Variants in NOX1 observed in about 807,000 individuals in gnomAD.
The protein encoded by NOX1 is NADH/NADPH mitogenic oxidase subunit P65-MOX.
Under a neutral mutation model 42.5 loss-of-function variants are expected in NOX1, and 34 were observed. The ratio of observed to expected loss-of-function variants is 0.80; its 90% CI spans 0.61 to 1.07. The LOEUF (loss-of-function observed/expected upper bound fraction) is 1.07, where lower values mean the gene tolerates loss of function less well. NOX1 is among the 50% of genes least tolerant of loss of function. The pLI is 0.00. For synonymous variants in NOX1, 143 were observed against 152.5 expected (o/e 0.94, Z 0.46); for missense variants, 408 against 427.0 (o/e 0.96, Z 0.39).
chrX:100,865,042 A>G (rs1022132121), intron 2 of NOX1, among the ~76,000 whole-genome samples: 1 of 112,645 alleles, frequency 8.9e-6, no homozygotes, highest in Non-Finnish European at 1.9e-5. Flanking sequence ...AAGCCAGGAC[A>G]AGATCTGCCT....
rs1055177824 is a variant in NOX1, at chrX:100,856,140, C to T, written c.805-4815G>A. ...GTTCTCTTTGGTTCCACAACTTTTCCATCCACCTTGTGTGGCCTTGCGTTC... is the reference window on the plus strand; with the variant it reads ...GTTCTCTTTGGTTCCACAACTTTTCTATCCACCTTGTGTGGCCTTGCGTTC... On this transcript the variant is annotated intron_variant, in intron 7 of 12. Transcript: ENST00000372966. 5 of 945,136 alleles carry T rather than the reference C, an allele frequency of 5.3e-6. No individual in the cohort carries two copies. The African/African-American group carries it at 9.6e-5, about 18-fold the overall frequency. 77.9% of individuals were successfully genotyped at this position (945,136 alleles called of 1,213,427 possible).
chrX:100,862,461 A>G lies in NOX1; in HGVS notation c.602T>C (p.Phe201Ser). ...SATEFIRRSY[F>S]EVFWYTHHLF... is the part of the protein sequence containing the mutation. ...GTGGTGAGTATACCAGAAGACTTCA[A>G]AATAACTCCTCCGGATGAACTCAGT... is the stretch of plus-strand genomic sequence containing the variant. Residue 201 changes from phenylalanine to serine, a missense_variant, in exon 6 of 13, where the codon TTT becomes TCT. Coordinates refer to ENST00000372966, the MANE Select transcript of NOX1 (RefSeq NM_007052.5). The G allele has an allele frequency of 8.3e-7, 1 of 1,210,349 alleles. No homozygotes were observed. The highest frequency in any genetic ancestry group is 1.1e-6 in the Non-Finnish European group (1 of 894,120).
At position 100,843,776 on chromosome X, in the gene NOX1, T is replaced by C. The variant is rs2085052555; in HGVS notation, c.*176A>G. The C allele has an allele frequency of 2.3e-6, 1 of 433,864 alleles. No homozygotes were observed. The allele number at this position is 433,864 out of a possible 1,213,427, so 35.8% of individuals were successfully genotyped here. A position where few individuals can be genotyped will look rare whatever the true frequency, so the allele number is the denominator to read the frequency against. On this transcript the variant is annotated 3_prime_UTR_variant, in exon 13 of 13. Transcript: ENST00000372966. ...GAACTTTAAGAACTTCAGAAGTTCTTAAGTTGCTGAAGCTCAAGTAACGAA... is the reference window on the plus strand; with the variant it reads ...GAACTTTAAGAACTTCAGAAGTTCTCAAGTTGCTGAAGCTCAAGTAACGAA...
chrX:100,845,974 G>C (rs2085070475), intron 12 of NOX1, among the ~76,000 whole-genome samples: 1 of 110,337 alleles, frequency 9.1e-6, no homozygotes, highest in East Asian at 2.8e-4. Context: ...GTTTAGTAAA[G>C]ACAGGGTTTC....
intron 7 of NOX1, chrX:100,856,177 C>T: frequency 1.1e-6 from 1 of 939,166 alleles, no homozygotes; most frequent in Non-Finnish European, 1.5e-6. Flanking sequence ...TGGCTGCATC[C>T]ACCTCCTCCA....
chrX:100,848,201 A>G (rs2085086868), intron 12 of NOX1, among the ~76,000 whole-genome samples: 1 of 111,904 alleles, frequency 8.9e-6, no homozygotes, highest in Non-Finnish European at 1.9e-5. Flanking sequence ...GAATCTAAGA[A>G]TGGCACAAAA....
At position 100,862,267 on chromosome X, in the gene NOX1, AT is replaced by A; in HGVS notation, c.707del (p.Asn236MetfsTer61). On this transcript the variant is annotated frameshift_variant, in exon 7 of 13. Transcript: ENST00000372966. LOFTEE classifies it high-confidence loss of function. ...CTGCACACTTGCGAGGATGACTCTC[AT>A]TCATGCTCTCCTCTGTTTGACCCCG... Reference protein sequence around the residue: ...IVRGQTEESMNESHPRKCAES... With the variant: ...IVRGQTEESMXESHPRKCAES... 8.3e-7 allele frequency: 1 copy of A among 1,211,023 alleles called. No individual in the cohort carries two copies. The highest frequency in any genetic ancestry group is 1.1e-6 in the Non-Finnish European group (1 of 895,209).
rs2085052529 is a variant in NOX1, at chrX:100,843,769, A to G, written c.*183T>C. ...AACTTCAGAACTTTAAGAACTTCAG[A>G]AGTTCTTAAGTTGCTGAAGCTCAAG... On this transcript the variant is annotated 3_prime_UTR_variant, in exon 13 of 13. Coordinates refer to ENST00000372966, the MANE Select transcript of NOX1 (RefSeq NM_007052.5). 7.1e-6 allele frequency: 3 copies of G among 425,020 alleles called. No individual in the cohort carries two copies. The highest frequency in any genetic ancestry group is 1.2e-5 in the Non-Finnish European group (3 of 248,637). 35.0% of individuals were successfully genotyped at this position (425,020 alleles called of 1,213,427 possible). A position where few individuals can be genotyped will look rare whatever the true frequency, so the allele number is the denominator to read the frequency against.
chrX:100,853,871 G>A (rs1041264182), intron 7 of NOX1, among the ~76,000 whole-genome samples: 1 of 111,747 alleles, frequency 8.9e-6, no homozygotes, highest in Non-Finnish European at 1.9e-5. Flanking sequence ...GGCCGGGTGC[G>A]GTGGCTCACG....
intron 7 of NOX1, among the ~76,000 whole-genome samples, chrX:100,852,579 C>A (rs1389411011): frequency 3.6e-5 from 4 of 112,559 alleles, no homozygotes; most frequent in Non-Finnish European, 5.6e-5. Context: ...CCTAGCAATA[C>A]TAAATTATGT....
intron 7 of NOX1, chrX:100,855,543 T>A: frequency 1.3e-6 from 1 of 761,742 alleles, no homozygotes. Context: ...GTTACAGCTG[T>A]CATAGCTGCC....
intron 7 of NOX1, chrX:100,856,143 C>A: frequency 1.1e-6 from 1 of 943,460 alleles, no homozygotes; most frequent in Non-Finnish European, 1.5e-6. Flanking sequence ...ACTTTTCCAT[C>A]CACCTTGTGT....
intron 12 of NOX1, among the ~76,000 whole-genome samples, chrX:100,847,345 C>T (rs148732295): frequency 0.012 from 1,309 of 111,680 alleles, 20 homozygotes; most frequent in African/African-American, 0.041. Context: ...TCACGGAGTG[C>T]ATTATTCTGC....
chrX:100,871,848 A>G (rs2085276819), intron 1 of NOX1, among the ~76,000 whole-genome samples: 1 of 111,873 alleles, frequency 8.9e-6, no homozygotes, highest in African/African-American at 3.2e-5. Context: ...TAGACCACTC[A>G]CACACCTTTA....
intron 7 of NOX1, chrX:100,856,288 C>T (rs2085166513): frequency 2.5e-6 from 2 of 808,569 alleles, no homozygotes; most frequent in South Asian, 2.1e-5. Flanking sequence ...CATAATGGCT[C>T]CTCAGGCTCT....
intron 7 of NOX1, among the ~76,000 whole-genome samples, chrX:100,861,280 T>G (rs748024715): frequency 1.8e-5 from 2 of 111,773 alleles, no homozygotes; most frequent in African/African-American, 6.5e-5. Context: ...AATTATTCAT[T>G]TATCCTTTTC....
chrX:100,867,895 A>G (rs1295493785), intron 2 of NOX1, among the ~76,000 whole-genome samples: 3 of 111,005 alleles, frequency 2.7e-5, no homozygotes, highest in Non-Finnish European at 5.7e-5. Context: ...GAAAGGAAGA[A>G]AGAGAAAAAA....
At chrX:100,856,483 G>A (rs1242964892) in intron 7 of NOX1, 9 of 369,196 alleles carry the variant, frequency 2.4e-5, no homozygotes, top group Middle Eastern at 8.0e-4. Context: ...CTACTAGTCC[G>A]CTAATACAGA....
chrX:100,862,605 T>C (rs772811715), intron 5 of NOX1, 32 bp from the exon 6 acceptor site: 4 of 1,192,892 alleles, frequency 3.4e-6, no homozygotes, highest in Non-Finnish European at 2.3e-6. Flanking sequence ...CCTGACACAA[T>C]GTCCACCTGT....
Sources: gnomAD v4.1 joint callset for allele counts (sites outside exome capture counted in the v4.1 genomes callset) on GRCh38, gnomAD v4.1.1 for gene constraint, MANE v1.5 for transcripts, NCBI Gene and HGNC (gene_info 2026-07-23, HGNC 2026-07-21) for gene names.